Variants in ANGPT1 observed in about 807,000 individuals in gnomAD.
ANGPT1 encodes angiopoietin 1, also known as angiopoietin-1.
Under a neutral mutation model 62.2 loss-of-function variants are expected in ANGPT1, and 17 were observed. The ratio of observed to expected loss-of-function variants is 0.27; its 90% CI spans 0.19 to 0.41. The LOEUF is 0.41. Among genes scored for constraint, ANGPT1 ranks in the 10% least tolerant of loss-of-function variants. ANGPT1 has a pLI of 1.00. For synonymous variants in ANGPT1, 199 were observed against 198.9 expected, an observed-to-expected ratio of 1.00 and a Z score of 0.00; for missense variants, 478 against 594.9, an observed-to-expected ratio of 0.80 and a Z score of 2.04.
At chr8:107,403,197 C>CTGT (rs1563607119) in intron 1 of ANGPT1, among the ~76,000 whole-genome samples, 3 of 152,094 alleles carry the variant, frequency 2.0e-5, no homozygotes, top group African/African-American at 7.2e-5. Flanking sequence ...GGTCACAAGA[C>CTGT]AGCTCCTGTA....
At chr8:107,328,572 A>G (rs1472044293) in intron 3 of ANGPT1, among the ~76,000 whole-genome samples, 4 of 152,064 alleles carry the variant, frequency 2.6e-5, no homozygotes, top group African/African-American at 7.2e-5. Flanking sequence ...CATATATTAC[A>G]AAGTTTTAAT....
rs567242169 is a variant in ANGPT1 at position 107,429,209 on chromosome 8, T to G, written c.297+68053A>C. On this transcript the variant is annotated intron_variant, in intron 1 of 8. Coordinates refer to ENST00000517746, the MANE Select transcript of ANGPT1 (RefSeq NM_001146.5). ...AGCTGTGACATGATTCTTTGCCTCT[T>G]ACAGGGCCTTGAGAGAAATAGGGGT... is the stretch of plus-strand genomic sequence containing the variant. 2.0e-5 allele frequency among the ~76,000 whole-genome samples: 3 copies of G among 152,306 alleles called. No homozygotes were observed. The East Asian group carries it at 5.8e-4, about 29-fold the overall frequency.
chr8:107,313,395 G>A (rs972836211), intron 4 of ANGPT1, among the ~76,000 whole-genome samples: 12 of 136,732 alleles, frequency 8.8e-5, no homozygotes, highest in African/African-American at 1.6e-4. Flanking sequence ...AATAAATTAT[G>A]AGTTCCTATA....
chr8:107,310,938 T>C (rs916487995), intron 4 of ANGPT1, among the ~76,000 whole-genome samples: 7 of 116,194 alleles, frequency 6.0e-5, no homozygotes, highest in African/African-American at 2.0e-4. Context: ...TTAGTGTGAG[T>C]GTGTGTGTGT....
intron 3 of ANGPT1, among the ~76,000 whole-genome samples, chr8:107,323,880 C>T (rs534715623): frequency 1.3e-5 from 2 of 152,130 alleles, no homozygotes; most frequent in East Asian, 3.9e-4. Context: ...CCTGGGTTCA[C>T]GCCATTCTCC....
rs150647815 is a variant in ANGPT1 at position 107,312,992 on chromosome 8, G to A, written c.808+8904C>T. 8.3e-3 allele frequency among the ~76,000 whole-genome samples: 1,267 copies of A among 152,192 alleles called. 14 individuals carry two copies. Among genetic ancestry groups the A allele is most frequent in the African/African-American group, 0.029 (1,198 of 41,512 alleles). On this transcript the variant is annotated intron_variant, in intron 4 of 8. Coordinates refer to ENST00000517746, the MANE Select transcript of ANGPT1 (RefSeq NM_001146.5). Reference sequence around the variant, plus strand: ...TAAGATTAGGTTTGTGCGTGTCTGTGTGTCCATGAGGCCTAAACAACTGGC... The same window carrying A: ...TAAGATTAGGTTTGTGCGTGTCTGTATGTCCATGAGGCCTAAACAACTGGC...
At chr8:107,259,784 C>A (rs1813451577) in intron 8 of ANGPT1, among the ~76,000 whole-genome samples, 1 of 151,952 alleles carries the variant, frequency 6.6e-6, no homozygotes, top group Non-Finnish European at 1.5e-5. Flanking sequence ...TTCAGAAATG[C>A]AGACTTTGAA....
At chr8:107,403,375 T>C (rs949019283) in intron 1 of ANGPT1, among the ~76,000 whole-genome samples, 1 of 152,158 alleles carries the variant, frequency 6.6e-6, no homozygotes, top group African/African-American at 2.4e-5. Context: ...ACTGAGAACG[T>C]GAATAACTGT....
chr8:107,354,270 G>A (rs1815993735), intron 1 of ANGPT1, among the ~76,000 whole-genome samples: 1 of 152,094 alleles, frequency 6.6e-6, no homozygotes, highest in African/African-American at 2.4e-5. Flanking sequence ...AAGCATATTT[G>A]CACGTCTGCT....
intron 1 of ANGPT1, among the ~76,000 whole-genome samples, chr8:107,481,718 G>T (rs1218560750): frequency 6.6e-6 from 1 of 152,078 alleles, no homozygotes; most frequent in Non-Finnish European, 1.5e-5. Context: ...AATCTTGGCA[G>T]AAGGCATCTC....
chr8:107,471,111 C>T (rs868776816), intron 1 of ANGPT1, among the ~76,000 whole-genome samples: 3 of 152,086 alleles, frequency 2.0e-5, no homozygotes, highest in Non-Finnish European at 2.9e-5. Flanking sequence ...TTTATTGTGG[C>T]ACTGTTTGCA....
chr8:107,477,133 C>T (rs1219619382), intron 1 of ANGPT1, among the ~76,000 whole-genome samples: 1 of 152,090 alleles, frequency 6.6e-6, no homozygotes, highest in Non-Finnish European at 1.5e-5. Flanking sequence ...TTTTATTTGT[C>T]ACCTTACCTG....
intron 1 of ANGPT1, among the ~76,000 whole-genome samples, chr8:107,454,538 C>A (rs1358183346): frequency 2.0e-5 from 3 of 152,042 alleles, no homozygotes; most frequent in Non-Finnish European, 4.4e-5. Context: ...CTATACATGT[C>A]TTCCTACATG....
At chr8:107,256,252 T>G (rs1813353953) in intron 8 of ANGPT1, among the ~76,000 whole-genome samples, 3 of 152,212 alleles carry the variant, frequency 2.0e-5, no homozygotes. Flanking sequence ...AACTTCAAGG[T>G]AGAAGAAGTA....
chr8:107,284,523 T>C (rs1231268509), intron 7 of ANGPT1, 159 bp downstream of exon 7: 1 of 563,054 alleles, frequency 1.8e-6, no homozygotes, highest in Non-Finnish European at 2.7e-6. Flanking sequence ...AAAAAGTCTT[T>C]ACAGGCTTTT....
chr8:107,381,172 G>A (rs1816629728), intron 1 of ANGPT1, among the ~76,000 whole-genome samples: 1 of 152,152 alleles, frequency 6.6e-6, no homozygotes, highest in Admixed American at 6.5e-5. Flanking sequence ...TCAAATGGCT[G>A]TGGTAAATTT....
At chr8:107,396,899 G>A (rs745555357) in intron 1 of ANGPT1, among the ~76,000 whole-genome samples, 20 of 151,892 alleles carry the variant, frequency 1.3e-4, no homozygotes, top group Non-Finnish European at 8.8e-5. Context: ...TTGACTAAAA[G>A]TAGGTAGAAG....
chr8:107,363,883 A>G (rs1221538059), intron 1 of ANGPT1, among the ~76,000 whole-genome samples: 2 of 152,196 alleles, frequency 1.3e-5, no homozygotes. Flanking sequence ...AAATATAATA[A>G]TATCTACATC....
At chr8:107,461,205 G>T (rs1812062760) in intron 1 of ANGPT1, among the ~76,000 whole-genome samples, 1 of 152,044 alleles carries the variant, frequency 6.6e-6, no homozygotes, top group South Asian at 2.1e-4. Context: ...AGACCCTTGG[G>T]ATTTCATGGT....
Sources: gnomAD v4.1 joint callset for allele counts (sites outside exome capture counted in the v4.1 genomes callset) on GRCh38, gnomAD v4.1.1 for gene constraint, MANE v1.5 for transcripts, NCBI Gene and HGNC (gene_info 2026-07-23, HGNC 2026-07-21) for gene names.